HEATR5A: variants seen among roughly 807,000 people sequenced by gnomAD.
The protein encoded by HEATR5A is HEAT repeat containing 5A.
Under a neutral mutation model 218.8 loss-of-function variants are expected in HEATR5A, and 178 were observed. That is an observed-to-expected ratio of 0.81 (90% CI 0.72 to 0.92). The LOEUF is 0.92. Ranked by LOEUF, HEATR5A falls within the 40% of genes least tolerant of loss-of-function variation. The probability of loss-of-function intolerance (pLI) is 0.00; values close to 1 mark genes in which losing one functional copy is unlikely to be tolerated. For synonymous variants in HEATR5A, 864 were observed against 871.6 expected (o/e 0.99, Z 0.15); for missense variants, 2,420 against 2,418.9 (o/e 1.00, Z -0.01).
At chr14:31,413,198 T>C (rs1397743107) in intron 1 of HEATR5A, among the ~76,000 whole-genome samples, 1 of 152,074 alleles carries the variant, frequency 6.6e-6, no homozygotes, top group Non-Finnish European at 1.5e-5. Flanking sequence ...TACAAAGCAA[T>C]ATGAACAGCA....
chr14:31,307,989 A>C lies in HEATR5A; in HGVS notation c.4722T>G (p.Arg1574=). The part of the protein sequence containing the change: ...GISVEFLCSL[R]SDATMESITA... ...TTATGCTTTCCATGGTTGCATCTGA[A>C]CGTAAGGAACATAGAAATTCCACGC... The change falls in exon 30 of 36, where the codon CGT becomes CGG. Residue 1574 remains arginine, a synonymous_variant. Coordinates refer to ENST00000543095, the MANE Select transcript of HEATR5A (RefSeq NM_015473.4). 6.2e-7 allele frequency: 1 copy of C among 1,613,270 alleles called. No homozygotes were observed. Among genetic ancestry groups the C allele is most frequent in the Non-Finnish European group, 8.5e-7 (1 of 1,179,626 alleles).
chr14:31,346,013 C>T (rs1901009068), intron 19 of HEATR5A, among the ~76,000 whole-genome samples: 1 of 152,116 alleles, frequency 6.6e-6, no homozygotes, highest in African/African-American at 2.4e-5. Context: ...TTGCAGTATA[C>T]TTTCTAATTT....
At chr14:31,405,794 A>C (rs140006956) in intron 1 of HEATR5A, among the ~76,000 whole-genome samples, 4 of 152,222 alleles carry the variant, frequency 2.6e-5, no homozygotes, top group African/African-American at 7.2e-5. Context: ...TCTGCTGAAG[A>C]GACATTTTTT....
chr14:31,410,938 G>T (rs906986364), intron 1 of HEATR5A, among the ~76,000 whole-genome samples: 2 of 151,966 alleles, frequency 1.3e-5, no homozygotes, highest in Non-Finnish European at 2.9e-5. Context: ...AAATAAATTG[G>T]CTATCATTAG....
chr14:31,336,213 C>CACACACACACATAT (rs758047507), intron 22 of HEATR5A, among the ~76,000 whole-genome samples: 11 of 90,736 alleles, frequency 1.2e-4, no homozygotes, highest in African/African-American at 2.5e-4. Context: ...TATATACATA[C>CACACACACACATAT]ATACATATAT....
chr14:31,385,539 G>A (rs957622604), intron 9 of HEATR5A, among the ~76,000 whole-genome samples: 1 of 152,092 alleles, frequency 6.6e-6, no homozygotes, highest in Non-Finnish European at 1.5e-5. Context: ...GATTCATAGA[G>A]ACAGAAAGTA....
intron 1 of HEATR5A, 37 bp from the exon 2 acceptor site, chr14:31,403,086 G>T: frequency 1.0e-6 from 1 of 981,436 alleles, no homozygotes; most frequent in Non-Finnish European, 1.4e-6. Context: ...TAAAAGGGGG[G>T]TAAAAAGGAA....
chr14:31,393,573 G>C (rs1390228014), intron 6 of HEATR5A, among the ~76,000 whole-genome samples: 1 of 152,112 alleles, frequency 6.6e-6, no homozygotes, highest in Admixed American at 6.6e-5. Context: ...CACTTCAAGA[G>C]TTCTTGTAAA....
intron 31 of HEATR5A, 71 bp from the exon 32 acceptor site, chr14:31,305,248 C>T: frequency 6.8e-7 from 1 of 1,477,066 alleles, no homozygotes; most frequent in Non-Finnish European, 9.2e-7. Context: ...TAGTTAAATC[C>T]TGTTACAGGA....
intron 30 of HEATR5A, among the ~76,000 whole-genome samples, chr14:31,307,521 T>C (rs1362938420): frequency 6.6e-6 from 1 of 152,142 alleles, no homozygotes; most frequent in Non-Finnish European, 1.5e-5. Flanking sequence ...ATGAACCCAT[T>C]AGATTCTCTC....
chr14:31,413,550 C>T (rs1418338631), intron 1 of HEATR5A, among the ~76,000 whole-genome samples: 1 of 151,482 alleles, frequency 6.6e-6, no homozygotes, highest in Non-Finnish European at 1.5e-5. Flanking sequence ...ACCCCGGAAG[C>T]GTAAAAGAAA....
intron 32 of HEATR5A, chr14:31,302,873 A>G: frequency 4.5e-6 from 1 of 223,208 alleles, no homozygotes; most frequent in South Asian, 6.2e-5. Flanking sequence ...TTTTTAGTGT[A>G]CAGTCCAGTG....
At chr14:31,376,281 C>T (rs567392062) in intron 11 of HEATR5A, among the ~76,000 whole-genome samples, 77 of 152,108 alleles carry the variant, frequency 5.1e-4, no homozygotes, top group Non-Finnish European at 9.3e-4. Flanking sequence ...TTTGAGAGGC[C>T]GAGGCTGAAG....
intron 33 of HEATR5A, among the ~76,000 whole-genome samples, chr14:31,298,718 G>C (rs1899269452): frequency 6.6e-6 from 1 of 151,996 alleles, no homozygotes; most frequent in East Asian, 1.9e-4. Flanking sequence ...GCCTAGACAG[G>C]GACGCTGCTT....
At position 31,307,003 on chromosome 14, in the gene HEATR5A, A is replaced by G. The variant is rs897805060; in HGVS notation, c.4819-124T>C. 7.7e-6 allele frequency: 6 copies of G among 781,546 alleles called. No homozygotes were observed. In the East Asian group the frequency reaches 8.3e-5, roughly 11 times the overall value. The allele number at this position is 781,546 out of a possible 1,614,324, so 48.4% of individuals were successfully genotyped here. On this transcript the variant is annotated intron_variant, in intron 30 of 35. Transcript: ENST00000543095. ...AGAATGTAACAAATTGCTTTAGTGC[A>G]ATAAAGTTAAGTAACGCTCCATTTT...
chr14:31,341,958 G>A lies in HEATR5A; in HGVS notation c.3228+1938C>T, dbSNP rs74608534. ...CTTCAAATATAAAAGTAATATTCCT[G>A]GGGAAGAGTCCCTGAATGGTACAGG... On this transcript the variant is annotated intron_variant, in intron 21 of 35. Transcript: ENST00000543095. Among the ~76,000 whole-genome samples, 1,096 of 152,214 alleles carry A rather than the reference G, an allele frequency of 7.2e-3. 10 individuals carry two copies. The highest frequency in any genetic ancestry group is 0.025 in the African/African-American group (1,055 of 41,524).
intron 7 of HEATR5A, among the ~76,000 whole-genome samples, chr14:31,388,566 T>C (rs373558309): frequency 1.3e-5 from 2 of 152,120 alleles, no homozygotes; most frequent in African/African-American, 2.4e-5. Flanking sequence ...AACCACAAGA[T>C]ACACAAAAGC....
chr14:31,348,091 A>G (rs1901079960), intron 18 of HEATR5A, among the ~76,000 whole-genome samples, 184 bp from the exon 19 acceptor site: 1 of 152,230 alleles, frequency 6.6e-6, no homozygotes, highest in African/African-American at 2.4e-5. Flanking sequence ...GCAAAGGAAA[A>G]CATTTTGAAT....
chr14:31,371,437 A>T (rs572816850), intron 13 of HEATR5A: 62 of 154,586 alleles, frequency 4.0e-4, no homozygotes, highest in Non-Finnish European at 7.9e-4. Flanking sequence ...TGTTCTAATC[A>T]TATACGTATA....
Sources: allele counts gnomAD v4.1 joint callset (sites outside exome capture counted in the v4.1 genomes callset), GRCh38; gene constraint gnomAD v4.1.1; transcripts MANE v1.5; gene names NCBI Gene and HGNC (gene_info 2026-07-23, HGNC 2026-07-21).